Variants in DDX60 observed in about 807,000 individuals in gnomAD.
DDX60 encodes the protein DExD/H-box helicase 60, also known as probable ATP-dependent RNA helicase DDX60.
A neutral mutation model predicts 212.8 loss-of-function variants in DDX60; 165 were observed. The ratio of observed to expected loss-of-function variants is 0.78; its 90% CI spans 0.68 to 0.88. The LOEUF (loss-of-function observed/expected upper bound fraction) is 0.88, where lower values mean the gene tolerates loss of function less well. Ranked by LOEUF, DDX60 falls within the 40% of genes least tolerant of loss-of-function variation. The pLI is 0.00. For missense variants in DDX60, 1,905 were observed against 2,003.9 expected (o/e 0.95, Z 0.94); for synonymous variants, 703 against 685.3 (o/e 1.03, Z -0.40).
At position 168,301,758 on chromosome 4, in the gene DDX60, T is replaced by C. The variant is rs370199698; in HGVS notation, c.723+542A>G. Among the ~76,000 whole-genome samples, 10 of 152,290 alleles carry C rather than the reference T, an allele frequency of 6.6e-5. 1 individual carries two copies. The highest frequency in any genetic ancestry group is 1.9e-4 in the African/African-American group (8 of 41,566). ...AGTTTGAGAAGAAACAGGATCTGCA[T>C]AGTCACAAAGCATGTCCTTCAAGAT... is the stretch of plus-strand genomic sequence containing the variant. On this transcript the variant is annotated intron_variant, in intron 6 of 37. Coordinates refer to ENST00000393743, the MANE Select transcript of DDX60 (RefSeq NM_017631.6).
At chr4:168,308,988 G>T (rs140765279) in intron 3 of DDX60, among the ~76,000 whole-genome samples, 1 of 152,004 alleles carries the variant, frequency 6.6e-6, no homozygotes, top group East Asian at 1.9e-4. Context: ...ACTTATGCAC[G>T]CACTTATAGA....
rs753101275 is a variant in DDX60 at position 168,255,774 on chromosome 4, TC to T, written c.3493del (p.Glu1165LysfsTer16). On this transcript the variant is annotated frameshift_variant, in exon 26 of 38. Transcript: ENST00000393743. LOFTEE classifies it high-confidence loss of function. ...ETKRPPKADKEAHVMANKLRK... is the reference protein window; with the variant it reads ...ETKRPPKADKXAHVMANKLRK... ...AAGTTTGTTAGCCATGACATGGGCT[TC>T]TTTATCAGCTTTGGGAGGCCTTTTT... 8.1e-6 allele frequency: 13 copies of T among 1,606,522 alleles called. No homozygotes were observed. Among genetic ancestry groups the T allele is most frequent in the Non-Finnish European group, 8.5e-7 (1 of 1,178,234 alleles).
At chr4:168,233,161 G>T (rs745723698) in intron 33 of DDX60, among the ~76,000 whole-genome samples, 1 of 151,792 alleles carries the variant, frequency 6.6e-6, no homozygotes, top group Non-Finnish European at 1.5e-5. Context: ...ACAGTGCAAC[G>T]CCACCTTACT....
chr4:168,260,309 C>T (rs1198236612), intron 25 of DDX60, among the ~76,000 whole-genome samples: 1 of 152,154 alleles, frequency 6.6e-6, no homozygotes, highest in African/African-American at 2.4e-5. Flanking sequence ...GTTCCCCTTC[C>T]TGTGTCCAAG....
In DDX60 at chr4:168,273,965, T is replaced by A. The variant is rs1220118493; in HGVS notation, c.2423A>T (p.Asp808Val). The change falls in exon 17 of 38, where the codon GAC becomes GTC. Residue 808 changes from aspartate (D) to valine (V), a missense_variant. Asp to Val is a radical substitution (Grantham distance 152, BLOSUM62 -3). Transcript: ENST00000393743. ...GGGTGCAACGTACACGACCACCCCG[T>A]CGTCGCTCTCCTTCAGCACTTTCTC... ...CMEKVLKESDDGVVVYVAPTK... is the reference protein window; with the variant it reads ...CMEKVLKESDVGVVVYVAPTK... 2 of 1,614,168 alleles carry A rather than the reference T, an allele frequency of 1.2e-6. No homozygotes were observed. Among genetic ancestry groups the A allele is most frequent in the Non-Finnish European group, 8.5e-7 (1 of 1,180,006 alleles).
chr4:168,226,253 T>A (rs980556676), intron 33 of DDX60, among the ~76,000 whole-genome samples: 5 of 151,948 alleles, frequency 3.3e-5, no homozygotes, highest in Non-Finnish European at 7.4e-5. Context: ...TCCAGAAGAG[T>A]GTAGTGGACT....
At chr4:168,248,318 T>C in intron 28 of DDX60, 26 bp from the exon 29 acceptor site, 1 of 1,500,436 alleles carries the variant, frequency 6.7e-7, no homozygotes, top group Non-Finnish European at 9.1e-7. Context: ...AACAATTACT[T>C]CATAAAATAG....
At chr4:168,275,096 CTG>C (rs1260751838) in intron 16 of DDX60, among the ~76,000 whole-genome samples, 2 of 152,160 alleles carry the variant, frequency 1.3e-5, no homozygotes, top group Non-Finnish European at 2.9e-5. Flanking sequence ...CTGGATGACA[CTG>C]AGATAACATC....
chr4:168,291,303 T>C (rs142675096), intron 8 of DDX60, among the ~76,000 whole-genome samples: 2 of 152,340 alleles, frequency 1.3e-5, no homozygotes, highest in South Asian at 2.1e-4. Flanking sequence ...GTTATCCCTA[T>C]TGATTAAAAT....
rs889104496 is a variant in DDX60, at chr4:168,318,744, G to A, written c.-229C>T. 3 of 152,248 alleles carry A rather than the reference G, an allele frequency of 2.0e-5. No homozygotes were observed. Among genetic ancestry groups the A allele is most frequent in the Non-Finnish European group, 4.4e-5 (3 of 68,050 alleles). 9.4% of individuals were successfully genotyped at this position (152,248 alleles called of 1,614,324 possible). A position where few individuals can be genotyped will look rare whatever the true frequency, so the allele number is the denominator to read the frequency against. On this transcript the variant is annotated 5_prime_UTR_variant, in exon 1 of 38. Transcript: ENST00000393743. Reference sequence around the variant, plus strand: ...TCCAGGTTACCCCAGACCTGGCCTAGGACTCGGCGCTCTGAGCCACCGCAG... The same window carrying A: ...TCCAGGTTACCCCAGACCTGGCCTAAGACTCGGCGCTCTGAGCCACCGCAG...
chr4:168,285,968 A>G (rs1560859017), intron 10 of DDX60, among the ~76,000 whole-genome samples: 27 of 82,498 alleles, frequency 3.3e-4, no homozygotes, highest in African/African-American at 1.9e-3. Context: ...AAAGGAAAGA[A>G]TGAAAGAAAG....
At chr4:168,247,100 G>C (rs1313714489) in intron 29 of DDX60, among the ~76,000 whole-genome samples, 1 of 152,148 alleles carries the variant, frequency 6.6e-6, no homozygotes, top group Non-Finnish European at 1.5e-5. Flanking sequence ...ATAAAATTCA[G>C]AAATGCTACT....
intron 35 of DDX60, among the ~76,000 whole-genome samples, chr4:168,222,394 T>C (rs1032480632): frequency 2.0e-5 from 3 of 152,128 alleles, no homozygotes; most frequent in African/African-American, 7.2e-5. Context: ...TTGCAAACTG[T>C]ACTGTAGAGG....
chr4:168,295,668 TTTTTC>T (rs1736310517), intron 6 of DDX60, among the ~76,000 whole-genome samples: 1 of 152,138 alleles, frequency 6.6e-6, no homozygotes, highest in Admixed American at 6.5e-5. Context: ...TCAGCTGAAG[TTTTTC>T]TTTTAACAGT....
intron 25 of DDX60, among the ~76,000 whole-genome samples, chr4:168,258,234 A>T (rs1734492674): frequency 6.6e-6 from 1 of 152,206 alleles, no homozygotes; most frequent in African/African-American, 2.4e-5. Context: ...TGTTTATTTA[A>T]TTCTCACTCC....
intron 13 of DDX60, among the ~76,000 whole-genome samples, chr4:168,282,458 A>G (rs1447807226): frequency 6.6e-6 from 1 of 152,182 alleles, no homozygotes; most frequent in Non-Finnish European, 1.5e-5. Context: ...TGAAAATAAA[A>G]ATATTTTTTG....
chr4:168,267,549 A>G (rs751389746), intron 22 of DDX60, 33 bp downstream of exon 22: 3 of 1,140,816 alleles, frequency 2.6e-6, no homozygotes, highest in Non-Finnish European at 3.7e-6. Flanking sequence ...ATTTTATATT[A>G]CTTAGAACAA....
Position 168,306,576 on chromosome 4 carries a change from C to T in DDX60, c.409G>A (p.Glu137Lys), listed in dbSNP as rs775899861. 6.2e-7 allele frequency: 1 copy of T among 1,614,166 alleles called. No homozygotes were observed. Among genetic ancestry groups the T allele is most frequent in the East Asian group, 2.2e-5 (1 of 44,876 alleles). The change falls in exon 5 of 38, where the codon GAG (glutamate) becomes AAG (lysine). Residue 137 changes from glutamate (E) to lysine (K), a missense_variant. Coordinates refer to ENST00000393743, the MANE Select transcript of DDX60 (RefSeq NM_017631.6). ...ACTATCAGGAAATATGGGTAACTCT[C>T]TTCCAAGAAACTTCCCCACTCTTTT... ...LSKEWGSFLE[E>K]SYPYFLIVAD...
chr4:168,314,852 C>T (rs940366236), intron 1 of DDX60, among the ~76,000 whole-genome samples: 2 of 152,008 alleles, frequency 1.3e-5, no homozygotes, highest in Non-Finnish European at 2.9e-5. Flanking sequence ...TAAAGAACAA[C>T]ATAATGTGTT....
Sources: gnomAD v4.1 joint callset for allele counts (sites outside exome capture counted in the v4.1 genomes callset) on GRCh38, gnomAD v4.1.1 for gene constraint, MANE v1.5 for transcripts, NCBI Gene and HGNC (gene_info 2026-07-23, HGNC 2026-07-21) for gene names.